ZER1: variants seen among roughly 807,000 people sequenced by gnomAD.
ZER1 encodes the protein protein zer-1 homolog.
A neutral mutation model predicts 78.8 loss-of-function variants in ZER1; 11 were observed. The observed-to-expected ratio is 0.14, with a 90% CI of 0.09 to 0.23. The LOEUF (loss-of-function observed/expected upper bound fraction) is 0.23, where lower values mean the gene tolerates loss of function less well. Among genes scored for constraint, ZER1 ranks in the 10% least tolerant of loss-of-function variants. The probability of loss-of-function intolerance (pLI) is 1.00; values close to 1 mark genes in which losing one functional copy is unlikely to be tolerated. For synonymous variants in ZER1, 400 were observed against 407.0 expected, an observed-to-expected ratio of 0.98 and a Z score of 0.21; for missense variants, 588 against 996.9, an observed-to-expected ratio of 0.59 and a Z score of 5.52.
chr9:128,743,875 C>T lies in ZER1; in HGVS notation c.1360-1130G>A, dbSNP rs185730208. On this transcript the variant is annotated intron_variant, in intron 8 of 15. Coordinates refer to ENST00000291900, the MANE Select transcript of ZER1 (RefSeq NM_006336.4). ...CCTCCCTAGTAGCTGGGATTACAGG[C>T]GCCTCCAATGGCCCCTGCTTTTTTT... Among the ~76,000 whole-genome samples the T allele has an allele frequency of 9.2e-3, 1,336 of 144,868 alleles. 22 individuals are homozygous for T. Among genetic ancestry groups the T allele is most frequent in the Middle Eastern group, 0.074 (20 of 272 alleles).
chr9:128,770,788 G>T (rs1473240964), intron 1 of ZER1, among the ~76,000 whole-genome samples: 1 of 152,144 alleles, frequency 6.6e-6, no homozygotes, highest in Non-Finnish European at 1.5e-5. Flanking sequence ...TAACCAGTTT[G>T]AAGTCTGAAG....
At chr9:128,743,682 A>T (rs896812976) in intron 8 of ZER1, among the ~76,000 whole-genome samples, 2 of 151,252 alleles carry the variant, frequency 1.3e-5, no homozygotes, top group South Asian at 2.1e-4. Context: ...AGCCTCCCAG[A>T]GTTCTGGGAT....
chr9:128,734,144 A>AAAAAAAAAATATAT, intron 14 of ZER1, among the ~76,000 whole-genome samples: 1 of 14,456 alleles, frequency 6.9e-5, no homozygotes, highest in African/African-American at 1.9e-4. Context: ...AAAAAAAAAA[A>AAAAAAAAAATATAT]ATATATATAT....
chr9:128,745,732 C>G (rs998649417), intron 8 of ZER1: 7 of 152,178 alleles, frequency 4.6e-5, no homozygotes, highest in African/African-American at 1.4e-4. Flanking sequence ...CTCACTGCAG[C>G]CTCGAACTCC....
intron 1 of ZER1, among the ~76,000 whole-genome samples, chr9:128,758,444 G>C (rs1863932473): frequency 7.0e-6 from 1 of 143,790 alleles, no homozygotes. Flanking sequence ...TAATTTTTGA[G>C]ATAGAATCTC....
intron 1 of ZER1, among the ~76,000 whole-genome samples, chr9:128,761,756 G>A (rs932880709): frequency 1.3e-5 from 2 of 151,092 alleles, no homozygotes; most frequent in Admixed American, 6.6e-5. Context: ...AGGCGCCTGC[G>A]ACCACGCTCG....
At chr9:128,767,670 C>T (rs975889341) in intron 1 of ZER1, among the ~76,000 whole-genome samples, 5 of 152,112 alleles carry the variant, frequency 3.3e-5, no homozygotes, top group African/African-American at 1.2e-4. Context: ...AAGTTCGAGC[C>T]CCTTGCCATT....
In ZER1 at chr9:128,754,971, C is replaced by T. The variant is rs192684987; in HGVS notation, c.158+437G>A. ...GATCATGGATCCGTTATTCTGGCAC[C>T]GGCATGTACATGCATATGTGGCCAT... On this transcript the variant is annotated intron_variant, in intron 2 of 15. Coordinates refer to ENST00000291900, the MANE Select transcript of ZER1 (RefSeq NM_006336.4). The surrounding 1 kb of genome is among the most constrained non-coding windows in gnomAD (Gnocchi z 4.3). 6.6e-5 allele frequency among the ~76,000 whole-genome samples: 10 copies of T among 152,276 alleles called. No homozygotes were observed. Among genetic ancestry groups the T allele is most frequent in the African/African-American group, 1.9e-4 (8 of 41,556 alleles).
At position 128,755,733 on chromosome 9, in the gene ZER1, T is replaced by C; in HGVS notation, c.-94-74A>G. 1 of 860,074 alleles carries C rather than the reference T, an allele frequency of 1.2e-6. No individual in the cohort carries two copies. The highest frequency in any genetic ancestry group is 3.6e-4 in the Middle Eastern group (1 of 2,776). 53.3% of individuals were successfully genotyped at this position (860,074 alleles called of 1,614,324 possible). On this transcript the variant is annotated intron_variant, in intron 1 of 15. Transcript: ENST00000291900. This position sits in a 1 kb window ranked among gnomAD's most constrained non-coding sequence, Gnocchi z 5.6. ...TATCAGTGGTCCCATGTCCACGCTC[T>C]GAGTAGGGAAACTGAGACCACACTC...
intron 13 of ZER1, among the ~76,000 whole-genome samples, chr9:128,738,774 TG>T (rs1863183550): frequency 6.6e-6 from 1 of 150,708 alleles, no homozygotes; most frequent in Non-Finnish European, 1.5e-5. Context: ...CTCGACCTCC[TG>T]GGCTCAAGTG....
chr9:128,766,845 C>CAAA (rs1176953959), intron 1 of ZER1, among the ~76,000 whole-genome samples: 2,607 of 49,222 alleles, frequency 0.053, 308 homozygotes, highest in East Asian at 0.21. Flanking sequence ...GATTCCGTCT[C>CAAA]AAAAAAAAAA....
At chr9:128,741,707 G>T (rs1391884180) in intron 10 of ZER1, 53 bp from the exon 11 acceptor site, 5 of 1,613,716 alleles carry the variant, frequency 3.1e-6, no homozygotes, top group Admixed American at 1.7e-5. Context: ...GGGGAGGGGG[G>T]CCCCTGACAA....
chr9:128,740,144 G>A lies in ZER1; in HGVS notation c.1854-25C>T, dbSNP rs751827423. 3 of 1,569,138 alleles carry A rather than the reference G, an allele frequency of 1.9e-6. No individual in the cohort carries two copies. The highest frequency in any genetic ancestry group is 2.6e-6 in the Non-Finnish European group (3 of 1,150,496). ...GCTGCCAGGAGAAAGACAGAAAAATGGAGTCCCACTCCCCCAGTTTCTCTT... is the reference window on the plus strand; with the variant it reads ...GCTGCCAGGAGAAAGACAGAAAAATAGAGTCCCACTCCCCCAGTTTCTCTT... On this transcript the variant is annotated intron_variant, in intron 12 of 15. Transcript: ENST00000291900. This position sits in a 1 kb window ranked among gnomAD's most constrained non-coding sequence, Gnocchi z 4.4.
chr9:128,746,779 G>A (rs559285682), intron 8 of ZER1, among the ~76,000 whole-genome samples: 1 of 151,946 alleles, frequency 6.6e-6, no homozygotes, highest in South Asian at 2.1e-4. Context: ...GGGATTACAG[G>A]TGCCCACCGG....
chr9:128,770,818 T>C (rs1228603467), intron 1 of ZER1, among the ~76,000 whole-genome samples: 1 of 152,086 alleles, frequency 6.6e-6, no homozygotes, highest in Non-Finnish European at 1.5e-5. Context: ...CTGTGAAAGA[T>C]CATATATGGA....
intron 1 of ZER1, among the ~76,000 whole-genome samples, chr9:128,757,838 G>A (rs1863909870): frequency 1.3e-5 from 2 of 152,044 alleles, no homozygotes; most frequent in Admixed American, 1.3e-4. Context: ...ATTTACTAAA[G>A]CTGAACGTAC....
intron 13 of ZER1, among the ~76,000 whole-genome samples, chr9:128,738,665 G>A (rs1034041616): frequency 2.0e-5 from 3 of 151,920 alleles, no homozygotes; most frequent in Non-Finnish European, 2.9e-5. Context: ...GATTACGGGT[G>A]TGAGCCACCG....
intron 8 of ZER1, among the ~76,000 whole-genome samples, chr9:128,743,607 A>G (rs1302653611): frequency 6.6e-6 from 1 of 151,544 alleles, no homozygotes; most frequent in Non-Finnish European, 1.5e-5. Context: ...TTTTGTAGAG[A>G]TGGGGTCTCA....
rs1863236118 is a variant in ZER1, at chr9:128,740,032, C to G, written c.1941G>C (p.Glu647Asp). The part of the protein sequence containing the change: ...VLSHIMFDGP[E>D]AWGVCEPQRE... ...GCTGGGGCTCACAGACGCCCCAGGC[C>G]TCGGGTCCATCAAACATGATGTGGG... Residue 647 changes from glutamate (E) to aspartate (D), a missense_variant, in exon 13 of 16, where the codon GAG becomes GAC. Glu to Asp is a conservative substitution (Grantham distance 45, BLOSUM62 2). This residue lies in a region of ZER1 where 122 missense variants were observed against 173.5 expected (regional missense o/e 0.70). Transcript: ENST00000291900. The surrounding 1 kb of genome is among the most constrained non-coding windows in gnomAD (Gnocchi z 4.4). 1 of 1,613,986 alleles carries G rather than the reference C, an allele frequency of 6.2e-7. No individual in the cohort carries two copies. The highest frequency in any genetic ancestry group is 1.3e-5 in the African/African-American group (1 of 74,922).
Sources: allele counts gnomAD v4.1 joint callset (sites outside exome capture counted in the v4.1 genomes callset), GRCh38; gene constraint gnomAD v4.1.1; regional missense constraint gnomAD v4.1.1; non-coding constraint Gnocchi (gnomAD v3.1); transcripts MANE v1.5; gene names NCBI Gene and HGNC (gene_info 2026-07-23, HGNC 2026-07-21).